The following ZNF48 variants were observed in gnomAD, a reference collection of about 807,000 sequenced individuals.
ZNF48 encodes the protein zinc finger protein 553.
In ZNF48, 20 loss-of-function variants were observed where a neutral mutation model predicts 40.0. That is an observed-to-expected ratio of 0.50 (90% CI 0.35 to 0.73). ZNF48 has a LOEUF of 0.73. Among genes scored for constraint, ZNF48 ranks in the 30% least tolerant of loss-of-function variants. The probability of loss-of-function intolerance (pLI) is 0.01; values close to 1 mark genes in which losing one functional copy is unlikely to be tolerated. For missense variants in ZNF48, 726 were observed against 851.9 expected, an observed-to-expected ratio of 0.85 and a Z score of 1.84; for synonymous variants, 298 against 329.7, an observed-to-expected ratio of 0.90 and a Z score of 1.04.
chr16:30,393,746 C>G (rs1299392259), upstream of ZNF48, among the ~76,000 whole-genome samples: 5 of 151,310 alleles, frequency 3.3e-5, no homozygotes, highest in Admixed American at 1.3e-4. Context: ...GATGGGGTCT[C>G]GCTCTATTAC....
intron 1 of ZNF48, chr16:30,379,554 G>T: frequency 1.3e-6 from 2 of 1,593,124 alleles, no homozygotes; most frequent in Non-Finnish European, 1.7e-6. Context: ...AGGGGGCAGG[G>T]GTTCACCATT....
At position 30,382,726 on chromosome 16, in the gene ZNF48, T is replaced by C; in HGVS notation, c.-16+4316T>C. 2 of 1,536,364 alleles carry C rather than the reference T, an allele frequency of 1.3e-6. No individual in the cohort carries two copies. Among genetic ancestry groups the C allele is most frequent in the Non-Finnish European group, 1.7e-6 (2 of 1,146,556 alleles). ...CCTGGACCCCTTTGCCCATCACCTG[T>C]CTACGTACCTTCAACCCTCCATCCT... is the stretch of plus-strand genomic sequence containing the variant. On this transcript the variant is annotated intron_variant, in intron 1 of 2. Coordinates refer to the ZNF48 transcript ENST00000528032. The surrounding 1 kb of genome is among the most constrained non-coding windows in gnomAD (Gnocchi z 4.8).
chr16:30,391,645 A>G (rs926128077), upstream of ZNF48, among the ~76,000 whole-genome samples: 4 of 151,602 alleles, frequency 2.6e-5, no homozygotes, highest in African/African-American at 9.7e-5. Flanking sequence ...ACAGGCGCGT[A>G]CCACCACATC....
At position 30,381,050 on chromosome 16, in the gene ZNF48, T is replaced by G; in HGVS notation, c.-16+2640T>G. 1 of 1,212,016 alleles carries G rather than the reference T, an allele frequency of 8.3e-7. No individual in the cohort carries two copies. Among genetic ancestry groups the G allele is most frequent in the Non-Finnish European group, 1.2e-6 (1 of 814,388 alleles). The allele number at this position is 1,212,016 out of a possible 1,614,324, so 75.1% of individuals were successfully genotyped here. On this transcript the variant is annotated intron_variant, in intron 1 of 2. Coordinates refer to the ZNF48 transcript ENST00000528032. This position sits in a 1 kb window ranked among gnomAD's most constrained non-coding sequence, Gnocchi z 4.3. ...ATGCACCATGCTCCAGAAAGGCCACTTCAAGATCAAAGAAGTCTAAGCTGA... is the reference window on the plus strand; with the variant it reads ...ATGCACCATGCTCCAGAAAGGCCACGTCAAGATCAAAGAAGTCTAAGCTGA...
chr16:30,382,429 T>G lies in ZNF48; in HGVS notation c.-16+4019T>G. The G allele has an allele frequency of 6.4e-7, 1 of 1,559,844 alleles. No homozygotes were observed. The highest frequency in any genetic ancestry group is 1.7e-5 in the Admixed American group (1 of 57,424). On this transcript the variant is annotated intron_variant, in intron 1 of 2. Coordinates refer to the ZNF48 transcript ENST00000528032. This position sits in a 1 kb window ranked among gnomAD's most constrained non-coding sequence, Gnocchi z 4.8. ...GGCAGGCAGGGTCCCCAGGATCACTTGAGTTCCTGGGCTAGGAAGAGTCAG... is the reference window on the plus strand; with the variant it reads ...GGCAGGCAGGGTCCCCAGGATCACTGGAGTTCCTGGGCTAGGAAGAGTCAG...
At chr16:30,385,447 A>C (rs1376872263) in intron 1 of ZNF48, among the ~76,000 whole-genome samples, 1 of 151,650 alleles carries the variant, frequency 6.6e-6, no homozygotes, top group Non-Finnish European at 1.5e-5. Flanking sequence ...CAACATGGTG[A>C]AACCCCGTCT....
chr16:30,378,656 A>G lies in ZNF48; in HGVS notation c.-16+246A>G, dbSNP rs765670566. 5 of 1,608,328 alleles carry G rather than the reference A, an allele frequency of 3.1e-6. No individual in the cohort carries two copies. The African/African-American group carries it at 4.0e-5, about 13-fold the overall frequency. ...CAGCTTCTCGGTGTCCGCCAGAGGCAGCATGGGCAGCGGGATCTCTGTGGC... is the reference window on the plus strand; with the variant it reads ...CAGCTTCTCGGTGTCCGCCAGAGGCGGCATGGGCAGCGGGATCTCTGTGGC... On this transcript the variant is annotated intron_variant, in intron 1 of 2. Transcript: ENST00000528032.
upstream of ZNF48, among the ~76,000 whole-genome samples, chr16:30,392,969 T>C (rs2049953574): frequency 6.6e-6 from 1 of 152,224 alleles, no homozygotes; most frequent in Non-Finnish European, 1.5e-5. Flanking sequence ...TTCTGGTCCC[T>C]GTTTCTGTCA....
At position 30,398,841 on chromosome 16, in the gene ZNF48, C is replaced by G; in HGVS notation, c.1591C>G (p.Arg531Gly). ...CCCAGTACCCATGGCCCCTCGACCC[C>G]GAGTTCGGGCCCAGCCTTCTGGACC... ...PGPVPMAPRPRVRAQPSGPSQ... is the reference protein window; with the variant it reads ...PGPVPMAPRPGVRAQPSGPSQ... Residue 531 changes from arginine (R) to glycine (G), a missense_variant, in exon 3 of 3, where the codon CGA becomes GGA. By Grantham distance (125) the Arg-to-Gly change is moderately radical. This residue lies in a region of ZNF48 where 166 missense variants were observed against 163.6 expected (regional missense o/e 1.01). Transcript: ENST00000613509. The surrounding 1 kb of genome is among the most constrained non-coding windows in gnomAD (Gnocchi z 6.6). 2 of 1,613,874 alleles carry G rather than the reference C, an allele frequency of 1.2e-6. No homozygotes were observed. The highest frequency in any genetic ancestry group is 1.7e-6 in the Non-Finnish European group (2 of 1,179,996).
At chr16:30,393,874 C>T (rs1007126043), upstream of ZNF48, among the ~76,000 whole-genome samples, 3 of 151,970 alleles carry the variant, frequency 2.0e-5, no homozygotes, top group South Asian at 2.1e-4. Context: ...TGCTACCATG[C>T]GCTGCTAAAT....
At chr16:30,396,049 C>A in intron 2 of ZNF48, 176 bp downstream of exon 2, 1 of 559,494 alleles carries the variant, frequency 1.8e-6, no homozygotes, top group Non-Finnish European at 3.0e-6. Context: ...GGGCTCTTCA[C>A]GGCCTCTGTC....
At chr16:30,379,236 C>A (rs958442604) in intron 1 of ZNF48, 10 of 1,604,212 alleles carry the variant, frequency 6.2e-6, no homozygotes, top group Non-Finnish European at 8.5e-6. Flanking sequence ...CGGGTCCAAC[C>A]CACCCGTAAG....
Position 30,397,729 on chromosome 16 carries a change from G to A in ZNF48, c.479G>A (p.Arg160Gln), listed in dbSNP as rs2050001258. Residue 160 changes from arginine (R) to glutamine (Q), a missense_variant, in exon 3 of 3, where the codon CGG becomes CAG. Arg to Gln is a conservative substitution (Grantham distance 43, BLOSUM62 1). Coordinates refer to ENST00000613509, the MANE Select transcript of ZNF48 (RefSeq NM_001214909.2). The surrounding 1 kb of genome is among the most constrained non-coding windows in gnomAD (Gnocchi z 4.1). ...GDSSARIKHQ[R>Q]THSGEKPYRA... Reference sequence around the variant, plus strand: ...AGCTCTGCCCGGATCAAACACCAGCGGACTCATAGTGGGGAGAAGCCCTAT... The same window carrying A: ...AGCTCTGCCCGGATCAAACACCAGCAGACTCATAGTGGGGAGAAGCCCTAT... 1.9e-6 allele frequency: 3 copies of A among 1,613,938 alleles called. No individual in the cohort carries two copies. Among genetic ancestry groups the A allele is most frequent in the Non-Finnish European group, 2.5e-6 (3 of 1,179,972 alleles).
At chr16:30,379,638 C>CTATTT in intron 1 of ZNF48, 13 of 295,646 alleles carry the variant, frequency 4.4e-5, no homozygotes, top group Admixed American at 8.2e-5. Flanking sequence ...CTGCCCCTTC[C>CTATTT]TCTTTTTTTT....
At chr16:30,394,019 A>C (rs1597017686), upstream of ZNF48, among the ~76,000 whole-genome samples, 1 of 148,994 alleles carries the variant, frequency 6.7e-6, no homozygotes, top group Admixed American at 6.7e-5. Context: ...GGCCCAGCCC[A>C]TTCTCTCTCT....
chr16:30,383,750 C>T (rs1390639982), intron 1 of ZNF48, among the ~76,000 whole-genome samples: 1 of 152,230 alleles, frequency 6.6e-6, no homozygotes, highest in African/African-American at 2.4e-5. Flanking sequence ...CAGCTGGCCT[C>T]ATCACCCCAT....
In ZNF48 at chr16:30,395,462, C is replaced by T. The variant is rs769769877; in HGVS notation, c.-132C>T. On this transcript the variant is annotated 5_prime_UTR_variant, in exon 1 of 3. Transcript: ENST00000613509. The surrounding 1 kb of genome is among the most constrained non-coding windows in gnomAD (Gnocchi z 5.9). ...GCCCCCGGGACGCCTGGGTCCGAGC[C>T]CGCTCCCGGCTTGGCGCGGAGCCTG... is the stretch of plus-strand genomic sequence containing the variant. 1.5e-5 allele frequency: 5 copies of T among 338,366 alleles called. 1 individual carries two copies. The highest frequency in any genetic ancestry group is 1.5e-4 in the East Asian group (1 of 6,550). The allele number at this position is 338,366 out of a possible 1,614,324, so 21.0% of individuals were successfully genotyped here. A position where few individuals can be genotyped will look rare whatever the true frequency, so the allele number is the denominator to read the frequency against.
At chr16:30,394,605 GTT>G (rs1567432289), upstream of ZNF48, 1 of 152,660 alleles carries the variant, frequency 6.6e-6, no homozygotes, top group African/African-American at 2.4e-5. Flanking sequence ...GTCTCTGCCC[GTT>G]TCGCTCACTA....
At chr16:30,390,814 C>T (rs1045578924), upstream of ZNF48, among the ~76,000 whole-genome samples, 2 of 151,550 alleles carry the variant, frequency 1.3e-5, no homozygotes, top group African/African-American at 2.4e-5. Context: ...TTAGTAGAGA[C>T]GGGGTTTCAC....
Sources: gnomAD v4.1 joint callset for allele counts (sites outside exome capture counted in the v4.1 genomes callset) on GRCh38, gnomAD v4.1.1 for gene constraint, gnomAD v4.1.1 regional missense constraint, Gnocchi (gnomAD v3.1) non-coding constraint, MANE v1.5 for transcripts, NCBI Gene and HGNC (gene_info 2026-07-23, HGNC 2026-07-21) for gene names.